PPARGC1A: variants seen among roughly 807,000 people sequenced by gnomAD.
PPARGC1A encodes the protein peroxisome proliferator-activated receptor gamma coactivator 1-alpha.
A neutral mutation model predicts 88.7 loss-of-function variants in PPARGC1A; 25 were observed. The ratio of observed to expected loss-of-function variants is 0.28; its 90% CI spans 0.21 to 0.39. The LOEUF (loss-of-function observed/expected upper bound fraction) is 0.39. Among genes scored for constraint, PPARGC1A ranks in the 10% least tolerant of loss-of-function variants. The pLI, the probability that PPARGC1A is intolerant of heterozygous loss-of-function variation, is 1.00. For synonymous variants in PPARGC1A, 363 were observed against 355.6 expected (o/e 1.02, Z -0.24); for missense variants, 880 against 968.7 (o/e 0.91, Z 1.22).
the PPARGC1A span, among the ~76,000 whole-genome samples, chr4:24,461,080 C>G: frequency 9.2e-5 from 14 of 152,154 alleles, no homozygotes; most frequent in African/African-American, 2.9e-4. Flanking sequence ...CATGCCATCA[C>G]ACCTGGCTAA....
the PPARGC1A span, among the ~76,000 whole-genome samples, chr4:24,359,722 AC>A: frequency 6.6e-6 from 1 of 152,210 alleles, no homozygotes; most frequent in Non-Finnish European, 1.5e-5. Flanking sequence ...ACACCAAGTG[AC>A]TTTGGAAACA....
chr4:23,884,789 G>A lies in PPARGC1A; in HGVS notation c.197C>T (p.Ser66Phe), dbSNP rs1259694270. Reference protein sequence around the residue: ...KWCSDQSEIISNQYNNEPSNI... With the variant: ...KWCSDQSEIIFNQYNNEPSNI... ...TGAAGGCTCATTGTTGTACTGATTG[G>A]ATATTATTTCTGATTGGTCACTGCA... The change falls in exon 2 of 13, where the codon TCC becomes TTC. Residue 66 changes from serine to phenylalanine, a missense_variant. Physicochemically the swap from Ser to Phe is radical, Grantham distance 155. Transcript: ENST00000264867. 6.2e-7 allele frequency: 1 copy of A among 1,613,724 alleles called. No individual in the cohort carries two copies. Among genetic ancestry groups the A allele is most frequent in the Non-Finnish European group, 8.5e-7 (1 of 1,179,878 alleles).
the PPARGC1A span, among the ~76,000 whole-genome samples, chr4:23,918,474 C>T: frequency 2.8e-4 from 42 of 152,174 alleles, no homozygotes; most frequent in Middle Eastern, 6.8e-3. Flanking sequence ...TCACCTCGGC[C>T]TCTCAAATTG....
chr4:23,963,964 C>T, the PPARGC1A span, among the ~76,000 whole-genome samples: 1 of 152,096 alleles, frequency 6.6e-6, no homozygotes, highest in South Asian at 2.1e-4. Context: ...GGAGGTAATA[C>T]CCAGAGGCCA....
chr4:24,107,631 C>A, the PPARGC1A span, among the ~76,000 whole-genome samples: 1 of 152,192 alleles, frequency 6.6e-6, no homozygotes, highest in South Asian at 2.1e-4. Flanking sequence ...AGACAATAAT[C>A]TAGGTCAGTC....
the PPARGC1A span, among the ~76,000 whole-genome samples, chr4:24,278,081 C>T: frequency 6.6e-6 from 1 of 151,954 alleles, no homozygotes; most frequent in Non-Finnish European, 1.5e-5. Context: ...AGTCTGGGCT[C>T]ACTTGAGCCC....
At chr4:24,025,499 G>T in the PPARGC1A span, among the ~76,000 whole-genome samples, 2 of 151,928 alleles carry the variant, frequency 1.3e-5, no homozygotes, top group South Asian at 4.2e-4. Context: ...AAGAATCACA[G>T]ATCTGTTCCC....
chr4:23,852,522 C>T (rs1462474701), intron 2 of PPARGC1A, among the ~76,000 whole-genome samples: 1 of 152,128 alleles, frequency 6.6e-6, no homozygotes, highest in Non-Finnish European at 1.5e-5. Flanking sequence ...TGCCTACCTC[C>T]CATGAGCACT....
chr4:24,351,834 T>C, the PPARGC1A span, among the ~76,000 whole-genome samples: 3 of 152,134 alleles, frequency 2.0e-5, no homozygotes, highest in East Asian at 5.8e-4. Flanking sequence ...TGTTTTTTTT[T>C]AATATGGTCT....
chr4:23,944,376 G>A, the PPARGC1A span, among the ~76,000 whole-genome samples: 2 of 152,188 alleles, frequency 1.3e-5, no homozygotes, highest in African/African-American at 2.4e-5. Flanking sequence ...TCCCATCATA[G>A]AGCACAGATC....
At chr4:24,062,425 T>A in the PPARGC1A span, among the ~76,000 whole-genome samples, 1 of 152,216 alleles carries the variant, frequency 6.6e-6, no homozygotes, top group Non-Finnish European at 1.5e-5. Context: ...TCAAGGCCAG[T>A]CCAGGAAGAG....
chr4:23,813,914 G>A lies in PPARGC1A; in HGVS notation c.1569C>T (p.Tyr523=). The change falls in exon 8 of 13, where the codon TAC becomes TAT. Residue 523 remains tyrosine, a synonymous_variant. Transcript: ENST00000264867. The part of the protein sequence containing the change: ...DSEDESDKLS[Y]PWDGTQSYSL... ...AATAGGATTGCGTGCCATCCCAAGGGTAGCTCAGTTTATCACTTTCATCTT... is the reference window on the plus strand; with the variant it reads ...AATAGGATTGCGTGCCATCCCAAGGATAGCTCAGTTTATCACTTTCATCTT... 6.2e-7 allele frequency: 1 copy of A among 1,613,914 alleles called. No individual in the cohort carries two copies. Among genetic ancestry groups the A allele is most frequent in the Non-Finnish European group, 8.5e-7 (1 of 1,179,830 alleles).
Position 23,793,685 on chromosome 4 carries a change from A to T in PPARGC1A, c.*2137T>A, listed in dbSNP as rs1717038887. 1 of 152,168 alleles carries T rather than the reference A, an allele frequency of 6.6e-6. No homozygotes were observed. The highest frequency in any genetic ancestry group is 1.5e-5 in the Non-Finnish European group (1 of 68,028). The allele number at this position is 152,168 out of a possible 1,614,324, so 9.4% of individuals were successfully genotyped here. On this transcript the variant is annotated 3_prime_UTR_variant, in exon 13 of 13. Transcript: ENST00000264867. Reference sequence around the variant, plus strand: ...TCCATTCCAGGGACTCCACACTCAGATGAAATCCTGATGATCAAAATGGAG... The same window carrying T: ...TCCATTCCAGGGACTCCACACTCAGTTGAAATCCTGATGATCAAAATGGAG...
At chr4:24,192,884 TTA>T in the PPARGC1A span, among the ~76,000 whole-genome samples, 291 of 152,326 alleles carry the variant, frequency 1.9e-3, no homozygotes, top group African/African-American at 6.8e-3. Flanking sequence ...TAAATCTGTA[TTA>T]TGTTTTCAGA....
the PPARGC1A span, among the ~76,000 whole-genome samples, chr4:24,293,459 C>T: frequency 3.3e-5 from 1 of 30,056 alleles, no homozygotes; most frequent in Non-Finnish European, 6.9e-5. Context: ...CACCTCTCAC[C>T]CCTGCCTGCA....
chr4:24,443,869 T>C, the PPARGC1A span, among the ~76,000 whole-genome samples: 2 of 152,230 alleles, frequency 1.3e-5, no homozygotes, highest in South Asian at 4.1e-4. Flanking sequence ...CAGAGGGCTT[T>C]TAAACAAGGA....
chr4:24,417,269 C>T, the PPARGC1A span, among the ~76,000 whole-genome samples: 1 of 152,156 alleles, frequency 6.6e-6, no homozygotes, highest in African/African-American at 2.4e-5. Flanking sequence ...TCACCTTCTC[C>T]AGTTTGTTTT....
Position 23,814,533 on chromosome 4 carries a change from T to C in PPARGC1A, c.950A>G (p.Lys317Arg), listed in dbSNP as rs1309917539. 6.2e-7 allele frequency: 1 copy of C among 1,613,096 alleles called. No individual in the cohort carries two copies. The highest frequency in any genetic ancestry group is 1.7e-5 in the Admixed American group (1 of 59,924). Residue 317 changes from lysine to arginine, a missense_variant, in exon 8 of 13, where the codon AAG (lysine) becomes AGG (arginine). By Grantham distance (26) the Lys-to-Arg change is conservative. Coordinates refer to ENST00000264867, the MANE Select transcript of PPARGC1A (RefSeq NM_013261.5). Reference protein sequence around the residue: ...DNPFRASPKLKSSCKTVVPPP... With the variant: ...DNPFRASPKLRSSCKTVVPPP... ...TGGCACCACAGTCTTGCAAGAGGACTTCAGCTTTGGAGAAGCCCTAAAAGG... is the reference window on the plus strand; with the variant it reads ...TGGCACCACAGTCTTGCAAGAGGACCTCAGCTTTGGAGAAGCCCTAAAAGG...
At chr4:24,084,925 G>T in the PPARGC1A span, among the ~76,000 whole-genome samples, 1 of 152,134 alleles carries the variant, frequency 6.6e-6, no homozygotes, top group Non-Finnish European at 1.5e-5. Flanking sequence ...ACTCTCTCTT[G>T]CTAGGTCCAT....
Sources: allele counts gnomAD v4.1 joint callset (sites outside exome capture counted in the v4.1 genomes callset), GRCh38; gene constraint gnomAD v4.1.1; transcripts MANE v1.5; gene names NCBI Gene and HGNC (gene_info 2026-07-23, HGNC 2026-07-21).